Variants in SYNE1 observed in about 807,000 individuals in gnomAD.
SYNE1 encodes nesprin-1.
Under a neutral mutation model 1,111.0 loss-of-function variants are expected in SYNE1, and 616 were observed. The observed-to-expected ratio is 0.55, with a 90% CI of 0.52 to 0.59. The LOEUF (loss-of-function observed/expected upper bound fraction) is 0.59, where lower values mean the gene tolerates loss of function less well. Ranked by LOEUF, SYNE1 falls within the 20% of genes least tolerant of loss-of-function variation. The probability of loss-of-function intolerance (pLI) is 0.00; values close to 1 mark genes in which losing one functional copy is unlikely to be tolerated. For synonymous variants in SYNE1, 3,855 were observed against 3,825.8 expected (o/e 1.01, Z -0.28); for missense variants, 10,006 against 10,417.0 (o/e 0.96, Z 1.72).
chr6:152,181,899 T>C (rs963916690), intron 128 of SYNE1, among the ~76,000 whole-genome samples: 1 of 152,216 alleles, frequency 6.6e-6, no homozygotes, highest in Non-Finnish European at 1.5e-5. Flanking sequence ...CCACCAGTAG[T>C]AGGATTCCAA....
chr6:152,472,265 A>G, intron 15 of SYNE1, 36 bp downstream of exon 15: 2 of 1,562,246 alleles, frequency 1.3e-6, no homozygotes, highest in Non-Finnish European at 8.8e-7. Flanking sequence ...TAGTGTTTTA[A>G]AAAGAGACTT....
intron 3 of SYNE1, among the ~76,000 whole-genome samples, chr6:152,591,713 G>A (rs2099567179): frequency 6.6e-6 from 1 of 152,050 alleles, no homozygotes; most frequent in Non-Finnish European, 1.5e-5. Flanking sequence ...TATCAACAGA[G>A]CAAACAGGCA....
rs149536991 is a variant in SYNE1, at chr6:152,334,217, C to A, written c.12585G>T (p.Lys4195Asn). 4.6e-5 allele frequency: 75 copies of A among 1,614,020 alleles called. 2 individuals carry two copies. The African/African-American group carries it at 7.7e-4, about 17-fold the overall frequency. Reference sequence around the variant, plus strand: ...CCTCCTTCTTTGTTAACTTATTCACCTTTTCTATTATGGTGTTCACGGATG... The same window carrying A: ...CCTCCTTCTTTGTTAACTTATTCACATTTTCTATTATGGTGTTCACGGATG... ...KQASVNTIIE[K>N]VNKLTKKEES... The change falls in exon 77 of 146, where the codon AAG (lysine) becomes AAT (asparagine). Residue 4195 changes from lysine (K) to asparagine (N), a missense_variant. Physicochemically the swap from Lys to Asn is moderately conservative, Grantham distance 94 (BLOSUM62 0). This residue lies in a region of SYNE1 where 4,955 missense variants were observed against 5,017.2 expected (regional missense o/e 0.99). Transcript: ENST00000367255.
At chr6:152,188,782 C>G (rs895491206) in intron 128 of SYNE1, among the ~76,000 whole-genome samples, 3 of 150,952 alleles carry the variant, frequency 2.0e-5, no homozygotes, top group Non-Finnish European at 4.4e-5. Flanking sequence ...CACGGTGAAA[C>G]CCCATCCCTA....
chr6:152,601,694 C>T (rs1287347472), intron 3 of SYNE1, among the ~76,000 whole-genome samples: 2 of 152,146 alleles, frequency 1.3e-5, no homozygotes, highest in Non-Finnish European at 2.9e-5. Flanking sequence ...AATCACTAGA[C>T]TTAGCAATAG....
chr6:152,346,645 C>T (rs1420792958), intron 73 of SYNE1, among the ~76,000 whole-genome samples: 2 of 151,838 alleles, frequency 1.3e-5, no homozygotes, highest in Admixed American at 1.3e-4. Context: ...CCCGTCTCTA[C>T]TAAAAATACA....
intron 74 of SYNE1, among the ~76,000 whole-genome samples, chr6:152,340,158 A>G (rs1458323957): frequency 6.6e-6 from 1 of 152,246 alleles, no homozygotes; most frequent in African/African-American, 2.4e-5. Context: ...TGTATCTCCC[A>G]GGCCCCTCTG....
intron 129 of SYNE1, chr6:152,179,306 T>C (rs2067281947): frequency 1.3e-5 from 2 of 152,112 alleles, no homozygotes; most frequent in African/African-American, 4.8e-5. Flanking sequence ...TGTAAAATAA[T>C]TTGATAAGAT....
At chr6:152,596,098 T>TAAAAAAAAGAAAAA (rs2099580424) in intron 3 of SYNE1, among the ~76,000 whole-genome samples, 1 of 18,590 alleles carries the variant, frequency 5.4e-5, no homozygotes, top group Non-Finnish European at 1.0e-4. Flanking sequence ...AAGGGCAATC[T>TAAAAAAAAGAAAAA]AAAAAAAAAA....
intron 5 of SYNE1, among the ~76,000 whole-genome samples, chr6:152,521,201 GC>G (rs1331218685): frequency 6.6e-6 from 1 of 152,080 alleles, no homozygotes; most frequent in Non-Finnish European, 1.5e-5. Flanking sequence ...TCATATCATT[GC>G]CTTTCACTGT....
In SYNE1 at chr6:152,449,540, G is replaced by T; in HGVS notation, c.3497C>A (p.Ala1166Asp). 3 of 1,612,716 alleles carry T rather than the reference G, an allele frequency of 1.9e-6. No homozygotes were observed. Among genetic ancestry groups the T allele is most frequent in the Non-Finnish European group, 2.5e-6 (3 of 1,178,920 alleles). ...DTANHGEVKR[A>D]VEEIRNGVTK... is the part of the protein sequence containing the mutation. ...TAATGACCCTGAACTTACTTCAACG[G>T]CACGTTTAACCTCTCCGTGGTTGGC... Residue 1166 changes from alanine to aspartate, a missense_variant, in exon 28 of 146, where the codon GCC becomes GAC. By Grantham distance (126) the Ala-to-Asp change is moderately radical (BLOSUM62 -2). This residue lies in a region of SYNE1 where 1,971 missense variants were observed against 2,084.1 expected (regional missense o/e 0.95). Coordinates refer to ENST00000367255, the MANE Select transcript of SYNE1 (RefSeq NM_182961.4).
chr6:152,324,417 A>G (rs1046092567), intron 81 of SYNE1, among the ~76,000 whole-genome samples: 3 of 151,858 alleles, frequency 2.0e-5, no homozygotes, highest in African/African-American at 7.3e-5. Context: ...TTGAATATAC[A>G]ATTTGGGTAA....
At chr6:152,403,895 T>C (rs563582432) in intron 46 of SYNE1, among the ~76,000 whole-genome samples, 3 of 152,216 alleles carry the variant, frequency 2.0e-5, no homozygotes, top group South Asian at 4.1e-4. Context: ...CTATTAATAC[T>C]GGCTGAAGGA....
chr6:152,233,847 C>T lies in SYNE1; in HGVS notation c.20646G>A (p.Ser6882=), dbSNP rs138628147. 3.0e-4 allele frequency: 487 copies of T among 1,614,154 alleles called. 1 individual carries two copies. In the African/African-American group the frequency reaches 5.8e-3, roughly 19 times the overall value. The change falls in exon 112 of 146, where the codon TCG becomes TCA. Residue 6882 remains serine (S), a synonymous_variant. Coordinates refer to ENST00000367255, the MANE Select transcript of SYNE1 (RefSeq NM_182961.4). ...VDTATLRSEL[S]RIDSQWTDLL... is the part of the protein sequence containing the mutation. ...GGTCAGTCCACTGGCTATCAATGCG[C>T]GACAGCTCAGAGCGCAGCGTGGCTG...
chr6:152,281,821 G>A lies in SYNE1; in HGVS notation c.18367C>T (p.Leu6123Phe), dbSNP rs1376201871. Reference sequence around the variant, plus strand: ...CATTTTGGTACCTGGCAGTCCATAAGCTGGGCCTCCATGTCCATGGGCTCC... The same window carrying A: ...CATTTTGGTACCTGGCAGTCCATAAACTGGGCCTCCATGTCCATGGGCTCC... ...PKEPMDMEAQLMDCQNMLVEI... is the reference protein window; with the variant it reads ...PKEPMDMEAQFMDCQNMLVEI... The change falls in exon 97 of 146, where the codon CTT becomes TTT. Residue 6123 changes from leucine (L) to phenylalanine (F), a missense_variant. Physicochemically the swap from Leu to Phe is conservative, Grantham distance 22. Coordinates refer to ENST00000367255, the MANE Select transcript of SYNE1 (RefSeq NM_182961.4). 2 of 1,614,158 alleles carry A rather than the reference G, an allele frequency of 1.2e-6. No homozygotes were observed. The highest frequency in any genetic ancestry group is 2.2e-5 in the East Asian group (1 of 44,880).
At chr6:152,151,089 G>A (rs982205167) in intron 135 of SYNE1, among the ~76,000 whole-genome samples, 5 of 152,140 alleles carry the variant, frequency 3.3e-5, no homozygotes, top group Non-Finnish European at 7.4e-5. Context: ...GGACTTGGTG[G>A]TATGTGCCTG....
intron 4 of SYNE1, among the ~76,000 whole-genome samples, chr6:152,530,965 A>T (rs1207599059): frequency 1.4e-5 from 2 of 144,554 alleles, no homozygotes; most frequent in South Asian, 2.1e-4. Context: ...GACATGAATC[A>T]TCCCTTTGCC....
intron 24 of SYNE1, 24 bp downstream of exon 24, chr6:152,455,402 G>A: frequency 6.2e-7 from 1 of 1,608,040 alleles, no homozygotes; most frequent in Non-Finnish European, 8.5e-7. Flanking sequence ...TTCAGGTCAA[G>A]TGTCCCCTAA....
chr6:152,551,492 T>C (rs920050591), intron 3 of SYNE1, among the ~76,000 whole-genome samples: 1 of 152,160 alleles, frequency 6.6e-6, no homozygotes, highest in Non-Finnish European at 1.5e-5. Context: ...TGACCAGCTG[T>C]GGATGCAATC....
Sources: allele counts gnomAD v4.1 joint callset (sites outside exome capture counted in the v4.1 genomes callset), GRCh38; gene constraint gnomAD v4.1.1; regional missense constraint gnomAD v4.1.1; transcripts MANE v1.5; gene names NCBI Gene and HGNC (gene_info 2026-07-23, HGNC 2026-07-21).